The following ACACA variants were observed in gnomAD, a reference collection of about 807,000 sequenced individuals.
ACACA encodes the protein acetyl-CoA carboxylase alpha.
Under a neutral mutation model 296.1 loss-of-function variants are expected in ACACA, and 103 were observed. The observed-to-expected ratio is 0.35, with a 90% CI of 0.30 to 0.41. ACACA has a LOEUF of 0.41. Among genes scored for constraint, ACACA ranks in the 10% least tolerant of loss-of-function variants. The probability of loss-of-function intolerance (pLI) is 1.00; values close to 1 mark genes in which losing one functional copy is unlikely to be tolerated. For synonymous variants in ACACA, 953 were observed against 1,038.6 expected, an observed-to-expected ratio of 0.92 and a Z score of 1.58; for missense variants, 1,554 against 2,989.7, an observed-to-expected ratio of 0.52 and a Z score of 11.20.
chr17:37,346,561 G>A (rs2048628850), intron 1 of ACACA, among the ~76,000 whole-genome samples: 1 of 151,704 alleles, frequency 6.6e-6, no homozygotes, highest in Non-Finnish European at 1.5e-5. Context: ...AATTAGCCGG[G>A]CGTGGTGGCG....
chr17:37,220,948 C>G (rs1212995092), intron 29 of ACACA, among the ~76,000 whole-genome samples: 1 of 152,074 alleles, frequency 6.6e-6, no homozygotes, highest in Non-Finnish European at 1.5e-5. Context: ...TTAAGATTGG[C>G]TGTGGTATTT....
rs757835557 is a variant in ACACA at position 37,307,640 on chromosome 17, G to A, written c.338+22533C>T. ...GACAGAGTCTCGCTCTATCCCTCAGGCTGGAGTGCAATCTCAGCTCACTGC... is the reference window on the plus strand; with the variant it reads ...GACAGAGTCTCGCTCTATCCCTCAGACTGGAGTGCAATCTCAGCTCACTGC... On this transcript the variant is annotated intron_variant, in intron 3 of 55. Coordinates refer to ENST00000616317, the MANE Select transcript of ACACA (RefSeq NM_198834.3). 2.6e-4 allele frequency among the ~76,000 whole-genome samples: 40 copies of A among 152,000 alleles called. 1 individual carries two copies. Among genetic ancestry groups the A allele is most frequent in the Non-Finnish European group, 4.4e-4 (30 of 68,016 alleles).
intron 3 of ACACA, among the ~76,000 whole-genome samples, chr17:37,302,752 T>C (rs1327463738): frequency 6.6e-6 from 1 of 152,232 alleles, no homozygotes; most frequent in East Asian, 1.9e-4. Flanking sequence ...AGCTAGCATA[T>C]AGAAATATAC....
chr17:37,147,335 G>C (rs1348802981), intron 45 of ACACA, among the ~76,000 whole-genome samples: 1 of 152,024 alleles, frequency 6.6e-6, no homozygotes, highest in East Asian at 1.9e-4. Flanking sequence ...GGATCTATAC[G>C]CAAGACACAG....
chr17:37,274,088 C>G (rs759055555), intron 9 of ACACA, 105 bp downstream of exon 9: 21 of 941,180 alleles, frequency 2.2e-5, no homozygotes, highest in Non-Finnish European at 3.5e-5. Flanking sequence ...TCTTACATCC[C>G]TAACACCACC....
chr17:37,335,885 G>A (rs1339154953), intron 2 of ACACA, among the ~76,000 whole-genome samples: 2 of 152,072 alleles, frequency 1.3e-5, no homozygotes, highest in African/African-American at 4.8e-5. Context: ...AAATGCTGTT[G>A]TTATGTTAAT....
intron 32 of ACACA, among the ~76,000 whole-genome samples, chr17:37,206,374 A>C (rs1447758758): frequency 6.6e-6 from 1 of 152,188 alleles, no homozygotes; most frequent in Non-Finnish European, 1.5e-5. Context: ...TAAAAAGACA[A>C]AGTTTTCAAC....
Position 37,161,891 on chromosome 17 carries a change from C to G in ACACA, c.5239G>C (p.Gly1747Arg). 6.2e-7 allele frequency: 1 copy of G among 1,614,172 alleles called. No homozygotes were observed. The highest frequency in any genetic ancestry group is 1.3e-5 in the African/African-American group (1 of 75,036). ...LRASELARAE[G>R]IPRIYVSANS... ...GCTGATACATAGATGCGTGGAATAC[C>G]TTCTGCCCTAGCAAGTTCGGAAGCT... The change falls in exon 42 of 56, where the codon GGT (glycine) becomes CGT (arginine). Residue 1747 changes from glycine to arginine, a missense_variant. Physicochemically the swap from Gly to Arg is moderately radical, Grantham distance 125. This residue lies in a region of ACACA where 553 missense variants were observed against 1,043.6 expected (regional missense o/e 0.53). Transcript: ENST00000616317.
intron 52 of ACACA, among the ~76,000 whole-genome samples, chr17:37,105,078 GA>G (rs1334460965): frequency 1.2e-4 from 18 of 151,802 alleles, no homozygotes; most frequent in Admixed American, 2.0e-4. Flanking sequence ...GTCTGTGTAT[GA>G]ACAAACTACA....
chr17:37,257,611 C>A, intron 14 of ACACA, 92 bp downstream of exon 14: 2 of 1,263,388 alleles, frequency 1.6e-6, no homozygotes, highest in Admixed American at 1.8e-5. Flanking sequence ...ATTACTTTGA[C>A]AGCAGATGAT....
chr17:37,226,314 T>C, intron 26 of ACACA, 25 bp downstream of exon 26: 2 of 1,583,306 alleles, frequency 1.3e-6, no homozygotes, highest in Non-Finnish European at 1.7e-6. Context: ...ATCCCTCCTT[T>C]AAGAAAACCA....
chr17:37,123,195 T>A (rs1405947344), intron 48 of ACACA, among the ~76,000 whole-genome samples: 1 of 152,182 alleles, frequency 6.6e-6, no homozygotes, highest in Admixed American at 6.5e-5. Flanking sequence ...ATGAGGATGA[T>A]GAGAAACACA....
chr17:37,254,907 A>C (rs1256814927), intron 14 of ACACA, among the ~76,000 whole-genome samples: 4 of 152,034 alleles, frequency 2.6e-5, no homozygotes, highest in Non-Finnish European at 5.9e-5. Context: ...CAGAGGAAAT[A>C]GCAAGAACAA....
In ACACA at chr17:37,183,848, C is replaced by CTTT. The variant is rs775286104; in HGVS notation, c.4777-2495_4777-2493dup. Among the ~76,000 whole-genome samples the CTTT allele has an allele frequency of 1.2e-3, 148 of 120,032 alleles. 1 individual carries two copies. The highest frequency in any genetic ancestry group is 3.5e-3 in the African/African-American group (105 of 29,852). The allele number at this position is 120,032 out of a possible 152,430, so 78.7% of individuals were successfully genotyped here. On this transcript the variant is annotated intron_variant, in intron 39 of 55. Transcript: ENST00000616317. Reference sequence around the variant, plus strand: ...GAAAATGAGAACTAGAGTTTCAGTCCTTTTTTTTTTTTTTTTTTTTGGAGA... The same window carrying CTTT: ...GAAAATGAGAACTAGAGTTTCAGTCCTTTTTTTTTTTTTTTTTTTTTTTGGAGA...
chr17:37,275,462 C>A (rs1231658720), intron 8 of ACACA, among the ~76,000 whole-genome samples: 1 of 141,024 alleles, frequency 7.1e-6, no homozygotes, highest in Non-Finnish European at 1.5e-5. Context: ...TGCCACTGCA[C>A]TCCAGCCTGG....
chr17:37,126,599 C>A (rs958697551), intron 47 of ACACA, among the ~76,000 whole-genome samples: 1 of 152,166 alleles, frequency 6.6e-6, no homozygotes, highest in Non-Finnish European at 1.5e-5. Context: ...TCTCAGCTCA[C>A]GGTTTTCAGT....
chr17:37,313,771 C>A (rs569098618), intron 3 of ACACA, among the ~76,000 whole-genome samples: 1 of 152,154 alleles, frequency 6.6e-6, no homozygotes, highest in Non-Finnish European at 1.5e-5. Context: ...AATCTCCATA[C>A]AACCACTATG....
At chr17:37,130,268 C>T in intron 45 of ACACA, 50 bp from the exon 46 acceptor site, 1 of 1,608,278 alleles carries the variant, frequency 6.2e-7, no homozygotes. Flanking sequence ...GAAATAAAGG[C>T]ATGGTCGATT....
At chr17:37,387,193 C>T (rs2050576931) in intron 1 of ACACA, 1 of 152,006 alleles carries the variant, frequency 6.6e-6, no homozygotes, top group African/African-American at 2.4e-5. Context: ...GATCTCAGCT[C>T]ACCACAACCT....
Sources: allele counts gnomAD v4.1 joint callset (sites outside exome capture counted in the v4.1 genomes callset), GRCh38; gene constraint gnomAD v4.1.1; regional missense constraint gnomAD v4.1.1; transcripts MANE v1.5; gene names NCBI Gene and HGNC (gene_info 2026-07-23, HGNC 2026-07-21).